Variants in UBE2L3 observed in about 807,000 individuals in gnomAD.
UBE2L3 encodes ubiquitin-conjugating enzyme E2 L3.
A neutral mutation model predicts 17.8 loss-of-function variants in UBE2L3; 1 was observed. The ratio of observed to expected loss-of-function variants is 0.06; its 90% confidence interval spans 0.02 to 0.27. The LOEUF (loss-of-function observed/expected upper bound fraction) is 0.27, where lower values mean the gene tolerates loss of function less well. Ranked by LOEUF, UBE2L3 falls within the 10% of genes least tolerant of loss-of-function variation. The pLI is 1.00. For synonymous variants in UBE2L3, 44 were observed against 68.5 expected (o/e 0.64, Z 1.76); for missense variants, 40 against 192.6 (o/e 0.21, Z 4.69).
chr22:21,604,892 G>A (rs1012754239), intron 2 of UBE2L3, among the ~76,000 whole-genome samples: 2 of 152,196 alleles, frequency 1.3e-5, no homozygotes, highest in Non-Finnish European at 2.9e-5. Flanking sequence ...AGTTCCCTGG[G>A]TGGTGAGAGG....
rs1368543801 is a variant in UBE2L3 at position 21,611,036 on chromosome 22, C to T, written c.303C>T (p.Thr101=). ...SAENWKPATK[T]DQVIQSLIAL... The stretch of plus-strand genomic sequence containing the variant: ...AAAACTGGAAGCCAGCAACCAAAAC[C>T]GACCAAGGTAAGACATGTGCCTGTG... The change falls in exon 3 of 4, where the codon ACC becomes ACT. Residue 101 remains threonine, a synonymous_variant. Transcript: ENST00000342192. The T allele has an allele frequency of 1.3e-5, 21 of 1,605,954 alleles. No homozygotes were observed. The highest frequency in any genetic ancestry group is 1.5e-5 in the Non-Finnish European group (18 of 1,176,216).
intron 1 of UBE2L3, among the ~76,000 whole-genome samples, chr22:21,576,357 G>T (rs1457147896): frequency 6.6e-6 from 1 of 151,586 alleles, no homozygotes; most frequent in East Asian, 1.9e-4. Context: ...GAGTGCAGTG[G>T]TGCGATCTCG....
chr22:21,582,168 C>T (rs948780099), intron 1 of UBE2L3, among the ~76,000 whole-genome samples: 1 of 150,562 alleles, frequency 6.6e-6, no homozygotes, highest in Admixed American at 6.6e-5. Flanking sequence ...TTCAGAACAA[C>T]GTCTGGGTTT....
chr22:21,614,285 T>A (rs190081201), intron 3 of UBE2L3, among the ~76,000 whole-genome samples: 162 of 152,270 alleles, frequency 1.1e-3, no homozygotes, highest in African/African-American at 3.2e-3. Flanking sequence ...TTCTTAAATA[T>A]GGGAAGTGAA....
At chr22:21,562,460 C>G (rs1395095971) in intron 1 of UBE2L3, among the ~76,000 whole-genome samples, 1 of 151,746 alleles carries the variant, frequency 6.6e-6, no homozygotes, top group African/African-American at 2.4e-5. Context: ...CAAACTCCGC[C>G]TCCCGGGTTC....
chr22:21,575,631 C>CTTTTTTTT (rs533923826), intron 1 of UBE2L3, among the ~76,000 whole-genome samples: 16 of 73,434 alleles, frequency 2.2e-4, no homozygotes, highest in African/African-American at 7.5e-4. Flanking sequence ...AGTTGAATAG[C>CTTTTTTTT]TTTTTTTTTT....
At chr22:21,613,648 T>TA (rs1929617923) in intron 3 of UBE2L3, among the ~76,000 whole-genome samples, 1 of 152,230 alleles carries the variant, frequency 6.6e-6, no homozygotes, top group Non-Finnish European at 1.5e-5. Flanking sequence ...CTTTGTGGCT[T>TA]AAAGTAATAC....
chr22:21,607,247 C>T (rs1220797706), intron 2 of UBE2L3, among the ~76,000 whole-genome samples: 2 of 152,028 alleles, frequency 1.3e-5, no homozygotes, highest in African/African-American at 4.8e-5. Flanking sequence ...TAGTTCACTC[C>T]TGTAATCCCA....
At chr22:21,570,078 C>G (rs1926874604) in intron 1 of UBE2L3, among the ~76,000 whole-genome samples, 1 of 152,208 alleles carries the variant, frequency 6.6e-6, no homozygotes, top group Non-Finnish European at 1.5e-5. Flanking sequence ...GTTGTTTCCT[C>G]CTTTGTGTGA....
chr22:21,598,375 A>G (rs1342210728), intron 2 of UBE2L3, among the ~76,000 whole-genome samples: 1 of 151,806 alleles, frequency 6.6e-6, no homozygotes, highest in Non-Finnish European at 1.5e-5. Context: ...TGCATAACTT[A>G]AGTTTTGGTA....
At chr22:21,562,670 C>CTTTTTTTTTTT (rs131653) in intron 1 of UBE2L3, among the ~76,000 whole-genome samples, 10 of 105,224 alleles carry the variant, frequency 9.5e-5, no homozygotes, top group African/African-American at 3.7e-4. Flanking sequence ...CACGCCTGGG[C>CTTTTTTTTTTT]TTTTTTTTTT....
intron 1 of UBE2L3, chr22:21,568,195 C>T (rs1926748667): frequency 1.0e-6 from 1 of 993,678 alleles, no homozygotes; most frequent in Non-Finnish European, 1.2e-6. Context: ...CGCCCTGGGC[C>T]GCAGCGCGCC....
chr22:21,607,289 C>G (rs577148113), intron 2 of UBE2L3, among the ~76,000 whole-genome samples: 3 of 151,810 alleles, frequency 2.0e-5, no homozygotes, highest in Admixed American at 2.0e-4. Context: ...GGCAGTTCAC[C>G]TGAGGTCAGG....
In UBE2L3 at chr22:21,557,011, G is replaced by A. The variant is rs1321589218; in HGVS notation, c.201+7361G>A. Among the ~76,000 whole-genome samples, 7 of 152,326 alleles carry A rather than the reference G, an allele frequency of 4.6e-5. No homozygotes were observed. In the East Asian group the frequency reaches 5.8e-4, roughly 13 times the overall value. On this transcript the variant is annotated intron_variant, in intron 1 of 3. Transcript: ENST00000458578. ...GGAGGTTGCAGTGAGCTGAGATCAC[G>A]CCATTGCACTCCAGCCTGGGCAACA...
At chr22:21,559,447 G>A (rs1258510241) in intron 1 of UBE2L3, among the ~76,000 whole-genome samples, 1 of 152,068 alleles carries the variant, frequency 6.6e-6, no homozygotes, top group Non-Finnish European at 1.5e-5. Context: ...CAGTTTGGGG[G>A]AGAATGCAAA....
At chr22:21,563,221 G>A (rs576114528), upstream of UBE2L3, among the ~76,000 whole-genome samples, 172 of 135,636 alleles carry the variant, frequency 1.3e-3, 1 homozygote, top group African/African-American at 4.7e-3. Flanking sequence ...CAGCCTGGGC[G>A]ACAGGGCAAG....
At chr22:21,574,902 T>C (rs1927177960) in intron 1 of UBE2L3, among the ~76,000 whole-genome samples, 1 of 151,384 alleles carries the variant, frequency 6.6e-6, no homozygotes. Context: ...GAGGCAGAGG[T>C]TGCAGCGAGC....
intron 1 of UBE2L3, chr22:21,568,046 C>T (rs535792460): frequency 2.3e-6 from 3 of 1,280,808 alleles, no homozygotes; most frequent in Non-Finnish European, 9.8e-7. Context: ...TTGGCCGCGT[C>T]CCCCTGTCGC....
chr22:21,606,295 C>T (rs781437506), intron 2 of UBE2L3, among the ~76,000 whole-genome samples: 36 of 137,062 alleles, frequency 2.6e-4, no homozygotes, highest in South Asian at 2.1e-3. Flanking sequence ...GGAAAGTGTG[C>T]GCGCGCGCGT....
Sources: allele counts gnomAD v4.1 joint callset (sites outside exome capture counted in the v4.1 genomes callset), GRCh38; gene constraint gnomAD v4.1.1; transcripts MANE v1.5; gene names NCBI Gene and HGNC (gene_info 2026-07-23, HGNC 2026-07-21).